ATP6V0D2: variants seen among roughly 807,000 people sequenced by gnomAD.
The protein encoded by ATP6V0D2 is ATPase H+ transporting V0 subunit d2, also known as V-type proton ATPase subunit d 2.
A neutral mutation model predicts 40.0 loss-of-function variants in ATP6V0D2; 40 were observed. The observed-to-expected ratio is 1.00, with a 90% CI of 0.78 to 1.30. The LOEUF is 1.30. Among genes scored for constraint, ATP6V0D2 ranks in the 50% most tolerant of loss-of-function variants. ATP6V0D2 has a pLI of 0.00. For missense variants in ATP6V0D2, 470 were observed against 423.1 expected (o/e 1.11, Z -0.97); for synonymous variants, 179 against 156.3 (o/e 1.15, Z -1.08).
Position 86,113,898 on chromosome 8 carries a change from G to T in ATP6V0D2, c.302+18G>T. ...TATATGACGTAAGTGATGACAGAAA[G>T]CCCTAATAAGCCCCAATGTACTCGT... On this transcript the variant is annotated intron_variant, in intron 2 of 7. Transcript: ENST00000285393. 1.2e-6 allele frequency: 2 copies of T among 1,600,032 alleles called. No homozygotes were observed. Among genetic ancestry groups the T allele is most frequent in the African/African-American group, 2.7e-5 (2 of 74,580 alleles).
At chr8:86,108,686 G>A (rs1022380397) in intron 1 of ATP6V0D2, among the ~76,000 whole-genome samples, 6 of 151,982 alleles carry the variant, frequency 3.9e-5, no homozygotes, top group Admixed American at 6.6e-5. Flanking sequence ...CTCCTGCCTC[G>A]GCCTCCAGAG....
rs1385629343 is a variant in ATP6V0D2 at position 86,121,819 on chromosome 8, G to A, written c.302+7939G>A. Among the ~76,000 whole-genome samples, 12 of 152,172 alleles carry A rather than the reference G, an allele frequency of 7.9e-5. No individual in the cohort carries two copies. In the South Asian group the frequency reaches 8.3e-4, roughly 11 times the overall value. The stretch of plus-strand genomic sequence containing the variant: ...CTTCCTGTCCTATTAGAAAATGCCC[G>A]AGACAACGTTATACAAATGATTAAA... On this transcript the variant is annotated intron_variant, in intron 2 of 7. Transcript: ENST00000285393.
intron 1 of ATP6V0D2, among the ~76,000 whole-genome samples, chr8:86,112,525 G>A (rs1408921355): frequency 6.6e-6 from 1 of 152,096 alleles, no homozygotes; most frequent in Admixed American, 6.6e-5. Flanking sequence ...ATTGCCATGA[G>A]TATTAAATGA....
chr8:86,108,812 T>G (rs1782222224), intron 1 of ATP6V0D2, among the ~76,000 whole-genome samples: 1 of 152,220 alleles, frequency 6.6e-6, no homozygotes, highest in Admixed American at 6.5e-5. Flanking sequence ...TATAGCCAAG[T>G]GATCTCAGAT....
chr8:86,135,882 T>C (rs1818889340), intron 2 of ATP6V0D2, among the ~76,000 whole-genome samples: 1 of 152,168 alleles, frequency 6.6e-6, no homozygotes, highest in African/African-American at 2.4e-5. Flanking sequence ...AATTATTTGC[T>C]TCCCAACCAC....
chr8:86,121,438 C>T (rs955452425), intron 2 of ATP6V0D2, among the ~76,000 whole-genome samples: 5 of 152,018 alleles, frequency 3.3e-5, no homozygotes, highest in African/African-American at 7.2e-5. Context: ...GGTGTGGGGG[C>T]GCATGCCTGT....
At chr8:86,099,531 T>C (rs1406117250) in intron 1 of ATP6V0D2, among the ~76,000 whole-genome samples, 1 of 152,250 alleles carries the variant, frequency 6.6e-6, no homozygotes, top group Non-Finnish European at 1.5e-5. Context: ...TTCACTCTTG[T>C]TGCATAGGCT....
At chr8:86,124,126 G>T (rs1203929555) in intron 2 of ATP6V0D2, among the ~76,000 whole-genome samples, 1 of 152,134 alleles carries the variant, frequency 6.6e-6, no homozygotes, top group African/African-American at 2.4e-5. Flanking sequence ...AGATTGCACT[G>T]TCTTAAAGGC....
chr8:86,119,029 G>A (rs1250931792), intron 2 of ATP6V0D2, among the ~76,000 whole-genome samples: 2 of 152,096 alleles, frequency 1.3e-5, no homozygotes, highest in Non-Finnish European at 2.9e-5. Flanking sequence ...GACCATGACA[G>A]TGACAGAGGG....
chr8:86,142,773 C>T, intron 4 of ATP6V0D2, 104 bp from the exon 5 acceptor site: 1 of 663,332 alleles, frequency 1.5e-6, no homozygotes, highest in Non-Finnish European at 2.5e-6. Context: ...AGATGTAATT[C>T]AGATTCCATT....
rs959904259 is a variant in ATP6V0D2 at position 86,139,983 on chromosome 8, C to CA, written c.481+356dup. The stretch of plus-strand genomic sequence containing the variant: ...ATAAATAATAGCACTTGTCATTCTT[C>CA]AAAAAAAATGTAATTTTCTAGCTTG... On this transcript the variant is annotated intron_variant, in intron 3 of 7. Transcript: ENST00000285393. Among the ~76,000 whole-genome samples the CA allele has an allele frequency of 4.6e-5, 7 of 151,882 alleles. No homozygotes were observed. In the South Asian group the frequency reaches 6.2e-4, roughly 14 times the overall value.
intron 2 of ATP6V0D2, among the ~76,000 whole-genome samples, chr8:86,132,688 T>C (rs1171754523): frequency 2.0e-5 from 3 of 152,228 alleles, no homozygotes; most frequent in African/African-American, 4.8e-5. Context: ...TAGTATTCTA[T>C]TGTGTATCTG....
intron 4 of ATP6V0D2, 83 bp downstream of exon 4, chr8:86,141,612 C>G (rs1818974718): frequency 1.1e-6 from 1 of 925,732 alleles, no homozygotes; most frequent in African/African-American, 1.7e-5. Flanking sequence ...TTACTTTACT[C>G]ATTAACCAAC....
chr8:86,131,702 T>A (rs1022121839), intron 2 of ATP6V0D2, among the ~76,000 whole-genome samples: 2 of 151,930 alleles, frequency 1.3e-5, no homozygotes, highest in African/African-American at 2.4e-5. Context: ...GGTTTTACCA[T>A]GTTGGCCAGG....
intron 1 of ATP6V0D2, among the ~76,000 whole-genome samples, chr8:86,112,161 G>A (rs1818534861): frequency 6.6e-6 from 1 of 152,260 alleles, no homozygotes; most frequent in East Asian, 1.9e-4. Flanking sequence ...ATATAACTAA[G>A]ATAGTGTAAC....
chr8:86,113,351 A>AAG (rs1818549835), intron 1 of ATP6V0D2, among the ~76,000 whole-genome samples: 1 of 152,044 alleles, frequency 6.6e-6, no homozygotes, highest in Non-Finnish European at 1.5e-5. Context: ...GTATAGTGGC[A>AAG]CACGCCTGTG....
intron 2 of ATP6V0D2, among the ~76,000 whole-genome samples, chr8:86,138,821 C>T (rs1818931003): frequency 6.6e-6 from 1 of 152,206 alleles, no homozygotes; most frequent in Non-Finnish European, 1.5e-5. Context: ...CAAACAAGTT[C>T]ACACCCTCAC....
At chr8:86,113,196 G>T (rs62511565) in intron 1 of ATP6V0D2, among the ~76,000 whole-genome samples, 1,685 of 151,698 alleles carry the variant, frequency 0.011, 19 homozygotes, top group Non-Finnish European at 0.014. Flanking sequence ...TATTTTGTGA[G>T]GGCCAGGCAC....
chr8:86,105,879 G>T (rs889204654), intron 1 of ATP6V0D2, among the ~76,000 whole-genome samples: 8 of 152,132 alleles, frequency 5.3e-5, no homozygotes, highest in African/African-American at 1.9e-4. Context: ...CTCCCAAAGT[G>T]CTGGGATTAT....
Sources: allele counts gnomAD v4.1 joint callset (sites outside exome capture counted in the v4.1 genomes callset), GRCh38; gene constraint gnomAD v4.1.1; transcripts MANE v1.5; gene names NCBI Gene and HGNC (gene_info 2026-07-23, HGNC 2026-07-21).